KIR2DL4: variants seen among roughly 807,000 people sequenced by gnomAD.
KIR2DL4 encodes killer cell immunoglobulin like receptor, two Ig domains and long cytoplasmic tail 4.
In KIR2DL4, 41 loss-of-function variants were observed where a neutral mutation model predicts 31.0. That is an observed-to-expected ratio of 1.32 (90% CI 1.03 to 1.72). The LOEUF (loss-of-function observed/expected upper bound fraction) is 1.72, where lower values mean the gene tolerates loss of function less well. KIR2DL4 is among the 40% of genes most tolerant of loss of function. The pLI, the probability that KIR2DL4 is intolerant of heterozygous loss-of-function variation, is 0.00. For missense variants in KIR2DL4, 438 were observed against 353.7 expected, an observed-to-expected ratio of 1.24 and a Z score of -1.91; for synonymous variants, 164 against 133.6, an observed-to-expected ratio of 1.23 and a Z score of -1.57.
chr19:54,812,316 G>A (rs2060910290), intron 5 of KIR2DL4, among the ~76,000 whole-genome samples: 2 of 151,278 alleles, frequency 1.3e-5, no homozygotes, highest in African/African-American at 4.9e-5. Flanking sequence ...GACACATGGA[G>A]TCACTTCATG....
chr19:54,808,548 T>C (rs1299710929), intron 4 of KIR2DL4, among the ~76,000 whole-genome samples: 1 of 149,788 alleles, frequency 6.7e-6, no homozygotes, highest in African/African-American at 2.5e-5. Flanking sequence ...TTCTGCTCCA[T>C]TGTTTTATGT....
At chr19:54,804,421 A>G (rs1386287198) in intron 2 of KIR2DL4, among the ~76,000 whole-genome samples, 1 of 151,090 alleles carries the variant, frequency 6.6e-6, no homozygotes, top group Non-Finnish European at 1.5e-5. Flanking sequence ...TGGGGGAACC[A>G]CAGCCACGAC....
chr19:54,806,225 A>G, exon 4 of KIR2DL4: 1 of 1,610,178 alleles, frequency 6.2e-7, no homozygotes, highest in Non-Finnish European at 8.5e-7. Context: ...CGAGTGACCC[A>G]CTGCCTGTTT....
rs1056321626 is a variant in KIR2DL4 at position 54,806,771 on chromosome 19, G to C, written c.655+527G>C. On this transcript the variant is annotated intron_variant, in intron 4 of 7. Transcript: ENST00000359085. ...GCCTGTAATCTCAGCATTTTGAGAC[G>C]CCAAGGCAGGTGGATCATTTAAAAT... Among the ~76,000 whole-genome samples the C allele has an allele frequency of 3.3e-5, 5 of 150,484 alleles. 1 individual carries two copies. In the East Asian group the frequency reaches 9.8e-4, roughly 30 times the overall value.
chr19:54,813,023 A>G, intron 5 of KIR2DL4: 1 of 814,386 alleles, frequency 1.2e-6, no homozygotes, highest in Non-Finnish European at 1.9e-6. Context: ...CTTGTCTTAA[A>G]GAGGTGTTTT....
rs1052524077 is a variant in KIR2DL4 at position 54,804,429 on chromosome 19, G to A, written c.77-364G>A. Among the ~76,000 whole-genome samples the A allele has an allele frequency of 3.4e-4, 52 of 151,358 alleles. 4 individuals are homozygous for A. The highest frequency in any genetic ancestry group is 7.1e-4 in the African/African-American group (29 of 41,012). On this transcript the variant is annotated intron_variant, in intron 2 of 7. Coordinates refer to ENST00000359085, the Ensembl canonical transcript of KIR2DL4. ...GAAGAGGTGGGGGAACCACAGCCAC[G>A]ACCCTGCCATTCCAAATCCTCTGAT...
Position 54,803,924 on chromosome 19 carries a change from TGGGTGAGTCCTTCC to T in KIR2DL4, c.75_76+12del. The T allele has an allele frequency of 6.2e-7, 1 of 1,609,510 alleles. No individual in the cohort carries two copies. The highest frequency in any genetic ancestry group is 1.1e-5 in the South Asian group (1 of 90,478). On this transcript the variant is annotated splice_donor_variant and splice_donor_5th_base_variant and coding_sequence_variant and intron_variant, in exon 2 of 8. Coordinates refer to ENST00000359085, the Ensembl canonical transcript of KIR2DL4. LOFTEE classifies it high-confidence loss of function. ...TTGGACCAGAGTGTGTGGGCACACG[TGGGTGAGTCCTTCC>T]CCAAATGATGGGTTGCCATCTTCAC...
At chr19:54,803,926 G>C (rs776553253) in exon 2 of KIR2DL4, 1 of 1,609,498 alleles carries the variant, frequency 6.2e-7, no homozygotes. Context: ...GGCACACGTG[G>C]GTGAGTCCTT....
intron 5 of KIR2DL4, among the ~76,000 whole-genome samples, chr19:54,810,176 T>A (rs776751810): frequency 6.7e-6 from 1 of 150,234 alleles, no homozygotes; most frequent in Non-Finnish European, 1.5e-5. Flanking sequence ...TGGAGTGCAG[T>A]GGCGGGATCT....
rs763154628 is a variant in KIR2DL4, at chr19:54,803,941, A to C, written c.76+15A>C. 6.2e-7 allele frequency: 1 copy of C among 1,607,386 alleles called. No homozygotes were observed. Among genetic ancestry groups the C allele is most frequent in the Non-Finnish European group, 8.5e-7 (1 of 1,176,872 alleles). On this transcript the variant is annotated intron_variant, in intron 2 of 7. Transcript: ENST00000359085. ...GGCACACGTGGGTGAGTCCTTCCCC[A>C]AATGATGGGTTGCCATCTTCACCCC... is the stretch of plus-strand genomic sequence containing the variant.
At chr19:54,810,401 A>C (rs616496) in intron 5 of KIR2DL4, among the ~76,000 whole-genome samples, 28,026 of 150,988 alleles carry the variant, frequency 0.19, 3,089 homozygotes, top group South Asian at 0.32. Context: ...TGCTGAGATT[A>C]GAGGCGTGAG....
Position 54,804,847 on chromosome 19 carries a change from G to A in KIR2DL4, c.131G>A (p.Gly44Glu), listed in dbSNP as rs764264574. 1 of 1,612,340 alleles carries A rather than the reference G, an allele frequency of 6.2e-7. No individual in the cohort carries two copies. The highest frequency in any genetic ancestry group is 1.3e-5 in the African/African-American group (1 of 74,382). ...TGGCCCAGCGCTGTGGTGCCTCAAG[G>A]AGGACACGTGACTCTTCGGTGTCAC... The change falls in exon 3 of 8, where the codon GGA becomes GAA. Residue 44 changes from glycine to glutamate, a missense_variant. Coordinates refer to ENST00000359085, the Ensembl canonical transcript of KIR2DL4.
chr19:54,810,295 G>T (rs2060783341), intron 5 of KIR2DL4, among the ~76,000 whole-genome samples: 2 of 138,960 alleles, frequency 1.4e-5, no homozygotes, highest in Non-Finnish European at 3.2e-5. Flanking sequence ...ATTTTTTTTT[G>T]GTATTTTTTT....
chr19:54,809,037 T>C (rs1367783917), intron 5 of KIR2DL4, among the ~76,000 whole-genome samples, 154 bp downstream of exon 5: 2 of 151,396 alleles, frequency 1.3e-5, no homozygotes, highest in African/African-American at 4.9e-5. Context: ...GAAAGGGATC[T>C]GGGCCCAGCA....
At chr19:54,803,856 C>T (rs2060326795) in intron 1 of KIR2DL4, 35 bp from the exon 2 acceptor site, 10 of 1,600,896 alleles carry the variant, frequency 6.2e-6, no homozygotes, top group Non-Finnish European at 7.7e-6. Context: ...AGGTTGCTGC[C>T]GAGATGAATA....
chr19:54,804,892 T>A, exon 3 of KIR2DL4: 16 of 1,612,230 alleles, frequency 9.9e-6, no homozygotes, highest in Non-Finnish European at 1.4e-5. Flanking sequence ...GGGTTTAACA[T>A]CTTCACGCTG....
chr19:54,804,310 G>A (rs962490398), intron 2 of KIR2DL4, among the ~76,000 whole-genome samples: 1 of 151,090 alleles, frequency 6.6e-6, no homozygotes, highest in Admixed American at 6.6e-5. Context: ...GCAGTGTTAG[G>A]AACAGCAGGT....
chr19:54,813,089 T>C, intron 5 of KIR2DL4: 1 of 1,401,672 alleles, frequency 7.1e-7, no homozygotes, highest in East Asian at 2.5e-5. Flanking sequence ...GGAACTGCTA[T>C]GGTTAGCTTC....
chr19:54,810,714 C>A (rs617872), intron 5 of KIR2DL4, among the ~76,000 whole-genome samples: 1 of 150,868 alleles, frequency 6.6e-6, no homozygotes, highest in African/African-American at 2.4e-5. Context: ...AACTAAGGAG[C>A]AACAAGGAGC....
Sources: gnomAD v4.1 joint callset for allele counts (sites outside exome capture counted in the v4.1 genomes callset) on GRCh38, gnomAD v4.1.1 for gene constraint, MANE v1.5 for transcripts, NCBI Gene and HGNC (gene_info 2026-07-23, HGNC 2026-07-21) for gene names.